VPS13C: variants seen among roughly 807,000 people sequenced by gnomAD.
VPS13C encodes the protein intermembrane lipid transfer protein VPS13C.
A neutral mutation model predicts 456.8 loss-of-function variants in VPS13C; 358 were observed. The ratio of observed to expected loss-of-function variants is 0.78; its 90% CI spans 0.72 to 0.86. The LOEUF is 0.86. Ranked by LOEUF, VPS13C falls within the 40% of genes least tolerant of loss-of-function variation. VPS13C has a pLI of 0.00. For synonymous variants in VPS13C, 1,578 were observed against 1,486.7 expected (o/e 1.06, Z -1.41); for missense variants, 4,818 against 4,385.4 (o/e 1.10, Z -2.79).
At chr15:62,002,326 ACTGT>A (rs1286988743) in intron 15 of VPS13C, among the ~76,000 whole-genome samples, 1 of 151,754 alleles carries the variant, frequency 6.6e-6, no homozygotes, top group Non-Finnish European at 1.5e-5. Flanking sequence ...TCTTTTGAAA[ACTGT>A]CTGTTCATGT....
chr15:62,000,726 C>A (rs1332464564), intron 15 of VPS13C, 100 bp from the exon 16 acceptor site: 6 of 843,066 alleles, frequency 7.1e-6, no homozygotes, highest in Admixed American at 6.8e-5. Flanking sequence ...ATTATCAGTA[C>A]CTGTGACCTA....
Position 61,958,734 on chromosome 15 carries a change from A to C in VPS13C, c.4057-18T>G. On this transcript the variant is annotated intron_variant, in intron 36 of 84. Coordinates refer to ENST00000644861, the MANE Select transcript of VPS13C (RefSeq NM_020821.3). ...AGACTAACCTGTAAAATATTATGTT[A>C]AAAAAAAAACTATATTACGTTTTAA... 1 of 1,131,758 alleles carries C rather than the reference A, an allele frequency of 8.8e-7. No individual in the cohort carries two copies. Among genetic ancestry groups the C allele is most frequent in the South Asian group, 1.7e-5 (1 of 59,074 alleles). 70.1% of individuals were successfully genotyped at this position (1,131,758 alleles called of 1,614,324 possible). A position where few individuals can be genotyped will look rare whatever the true frequency, so the allele number is the denominator to read the frequency against.
In VPS13C at chr15:61,961,719, T is replaced by C. The variant is rs768154692; in HGVS notation, c.3778A>G (p.Asn1260Asp). Reference protein sequence around the residue: ...IVIPQSSISTNAVVVDLGLIR... With the variant: ...IVIPQSSISTDAVVVDLGLIR... The stretch of plus-strand genomic sequence containing the variant: ...AACCCAAGATCTACCACTACTGCAT[T>C]GGTGGAAATAGAAGACTGTGGGATG... Residue 1260 changes from asparagine (N) to aspartate (D), a missense_variant, in exon 35 of 85, where the codon AAT becomes GAT. By Grantham distance (23) the Asn-to-Asp change is conservative (BLOSUM62 1). Around this residue, in one of 3 missense-constraint regions of VPS13C, gnomAD observed 4,552 missense variants for 4,130.6 expected, o/e 1.10. Coordinates refer to ENST00000644861, the MANE Select transcript of VPS13C (RefSeq NM_020821.3). 3 of 1,614,040 alleles carry C rather than the reference T, an allele frequency of 1.9e-6. No individual in the cohort carries two copies. Among genetic ancestry groups the C allele is most frequent in the African/African-American group, 1.3e-5 (1 of 75,006 alleles).
intron 82 of VPS13C, among the ~76,000 whole-genome samples, chr15:61,857,736 A>G (rs1894000472): frequency 6.6e-6 from 1 of 152,164 alleles, no homozygotes; most frequent in Admixed American, 6.5e-5. Context: ...AAATAGTCCA[A>G]TCAGGAGACA....
At position 61,922,648 on chromosome 15, in the gene VPS13C, T is replaced by C. The variant is rs1166819165; in HGVS notation, c.6724A>G (p.Lys2242Glu). The change falls in exon 54 of 85, where the codon AAA becomes GAA. Residue 2242 changes from lysine to glutamate, a missense_variant. Transcript: ENST00000644861. ...CAAGTGTTATAATCATTAATCGATT[T>C]GATACCCCAAAGATTTTCCATTTCC... is the stretch of plus-strand genomic sequence containing the variant. ...SKEMENLWGI[K>E]SINDYNTWFL... 1 of 1,613,980 alleles carries C rather than the reference T, an allele frequency of 6.2e-7. No homozygotes were observed. Among genetic ancestry groups the C allele is most frequent in the African/African-American group, 1.3e-5 (1 of 74,936 alleles).
At chr15:61,958,758 A>T in intron 36 of VPS13C, 42 bp from the exon 37 acceptor site, 1 of 1,051,618 alleles carries the variant, frequency 9.5e-7, no homozygotes, top group Non-Finnish European at 1.3e-6. Flanking sequence ...ATTACGTTTT[A>T]AAATGAAACA....
At chr15:61,889,129 T>G (rs1367868107) in intron 67 of VPS13C, among the ~76,000 whole-genome samples, 1 of 152,100 alleles carries the variant, frequency 6.6e-6, no homozygotes, top group Non-Finnish European at 1.5e-5. Context: ...TTAGATAAAT[T>G]TTTTAATGTT....
intron 66 of VPS13C, among the ~76,000 whole-genome samples, chr15:61,897,394 G>C (rs936699042): frequency 7.2e-5 from 11 of 152,332 alleles, no homozygotes; most frequent in African/African-American, 2.6e-4. Context: ...AACCAATACA[G>C]AGAAGTGATT....
chr15:61,991,356 C>G (rs2140421470), intron 17 of VPS13C, among the ~76,000 whole-genome samples: 1 of 152,044 alleles, frequency 6.6e-6, no homozygotes, highest in East Asian at 1.9e-4. Context: ...TATTTTAAAA[C>G]TTAAGTGAAA....
intron 9 of VPS13C, among the ~76,000 whole-genome samples, chr15:62,016,521 G>T (rs1017619068): frequency 1.3e-5 from 2 of 149,366 alleles, no homozygotes; most frequent in East Asian, 2.0e-4. Context: ...AACATGCAGT[G>T]TTTGGTTTTT....
intron 25 of VPS13C, 132 bp from the exon 26 acceptor site, chr15:61,973,664 A>C: frequency 1.6e-6 from 1 of 614,566 alleles, no homozygotes; most frequent in South Asian, 2.1e-5. Context: ...ATATAACACA[A>C]TATACAAATC....
chr15:61,952,974 T>C (rs1435149038), intron 38 of VPS13C, among the ~76,000 whole-genome samples: 1 of 152,104 alleles, frequency 6.6e-6, no homozygotes, highest in African/African-American at 2.4e-5. Context: ...TCCTCCAGTC[T>C]TGGCCTCCCA....
chr15:61,916,231 T>G (rs1280957231), intron 60 of VPS13C, among the ~76,000 whole-genome samples: 2 of 152,166 alleles, frequency 1.3e-5, no homozygotes, highest in Non-Finnish European at 2.9e-5. Context: ...GAAACTGACT[T>G]TGGCCATTAG....
chr15:61,868,856 T>C, intron 80 of VPS13C, 83 bp from the exon 81 acceptor site: 1 of 1,108,358 alleles, frequency 9.0e-7, no homozygotes, highest in Non-Finnish European at 1.3e-6. Flanking sequence ...TACATAAATA[T>C]TTCACAAAAA....
chr15:61,997,630 T>C (rs904683616), intron 16 of VPS13C, among the ~76,000 whole-genome samples: 4 of 152,172 alleles, frequency 2.6e-5, no homozygotes, highest in Admixed American at 6.5e-5. Context: ...TCCTTCCAAC[T>C]GCTCCAAGTC....
chr15:61,927,441 G>T, intron 51 of VPS13C, 121 bp from the exon 52 acceptor site: 1 of 717,480 alleles, frequency 1.4e-6, no homozygotes. Context: ...TGGTGAAACT[G>T]ACAATATTAA....
chr15:61,998,269 G>T (rs967380625), intron 16 of VPS13C, among the ~76,000 whole-genome samples: 1 of 152,150 alleles, frequency 6.6e-6, no homozygotes, highest in Non-Finnish European at 1.5e-5. Context: ...TGACAACCCT[G>T]TTTAAAACTG....
chr15:61,920,858 A>C, intron 55 of VPS13C, among the ~76,000 whole-genome samples: 1 of 152,108 alleles, frequency 6.6e-6, no homozygotes, highest in East Asian at 1.9e-4. Flanking sequence ...AAAGTTTAGA[A>C]TTACGCCATG....
intron 69 of VPS13C, among the ~76,000 whole-genome samples, chr15:61,882,096 G>C (rs143946344): frequency 2.9e-3 from 438 of 152,220 alleles, no homozygotes; most frequent in Non-Finnish European, 4.6e-3. Context: ...TGTATCTATG[G>C]ATCCTGTGAG....
Sources: gnomAD v4.1 joint callset for allele counts (sites outside exome capture counted in the v4.1 genomes callset) on GRCh38, gnomAD v4.1.1 for gene constraint, gnomAD v4.1.1 regional missense constraint, MANE v1.5 for transcripts, NCBI Gene and HGNC (gene_info 2026-07-23, HGNC 2026-07-21) for gene names.